NCOR2: variants seen among roughly 807,000 people sequenced by gnomAD.
NCOR2 encodes nuclear receptor corepressor 2.
A neutral mutation model predicts 262.9 loss-of-function variants in NCOR2; 81 were observed. The ratio of observed to expected loss-of-function variants is 0.31; its 90% CI spans 0.26 to 0.37. NCOR2 has a LOEUF of 0.37. Ranked by LOEUF, NCOR2 falls within the 10% of genes least tolerant of loss-of-function variation. NCOR2 has a pLI of 1.00. For missense variants in NCOR2, 3,385 were observed against 3,621.4 expected (o/e 0.93, Z 1.68); for synonymous variants, 1,659 against 1,559.3 (o/e 1.06, Z -1.51).
intron 20 of NCOR2, 23 bp from the exon 23 acceptor site, chr12:124,363,822 A>G (rs752578954): frequency 3.0e-6 from 4 of 1,326,452 alleles, no homozygotes; most frequent in Middle Eastern, 2.1e-4. Context: ...GAGCACCATC[A>G]GCTGGGGGCC....
At chr12:124,540,233 A>C (rs2051249585), upstream of NCOR2, among the ~76,000 whole-genome samples, 1 of 137,528 alleles carries the variant, frequency 7.3e-6, no homozygotes, top group African/African-American at 2.6e-5. Context: ...GAGGGCAGGG[A>C]GGGCAGGGAG....
intron 20 of NCOR2, among the ~76,000 whole-genome samples, chr12:124,364,103 C>T (rs1293375277): frequency 1.3e-5 from 2 of 152,208 alleles, no homozygotes; most frequent in Non-Finnish European, 2.9e-5. Flanking sequence ...AGCCTAGAGG[C>T]CAGCCGGGCA....
chr12:124,531,883 C>T lies in NCOR2; in HGVS notation c.-118+3682G>A, dbSNP rs926045150. Among the ~76,000 whole-genome samples the T allele has an allele frequency of 2.6e-5, 4 of 151,788 alleles. No individual in the cohort carries two copies. Among genetic ancestry groups the T allele is most frequent in the African/African-American group, 9.7e-5 (4 of 41,310 alleles). Reference sequence around the variant, plus strand: ...TATAGACAATCCCAGACACCCACCTCCCCACCCCACTCCCAGCTGAAGAAT... The same window carrying T: ...TATAGACAATCCCAGACACCCACCTTCCCACCCCACTCCCAGCTGAAGAAT... On this transcript the variant is annotated intron_variant, in intron 1 of 46. Transcript: ENST00000404621. This position sits in a 1 kb window ranked among gnomAD's most constrained non-coding sequence, Gnocchi z 4.5.
At chr12:124,545,846 C>A (rs1417109458) in intron 1 of NCOR2, among the ~76,000 whole-genome samples, 9 of 152,160 alleles carry the variant, frequency 5.9e-5, no homozygotes, top group African/African-American at 2.2e-4. Context: ...AGCCTGGGGA[C>A]CCTCTCTGGG....
At chr12:124,335,195 G>A (rs2035776154) in exon 40 of NCOR2, 1 of 1,611,378 alleles carries the variant, frequency 6.2e-7, no homozygotes, top group East Asian at 2.2e-5. Context: ...GGGCGGTCTG[G>A]AGCAGCGGGC....
At chr12:124,493,006 C>G (rs533241237) in intron 1 of NCOR2, among the ~76,000 whole-genome samples, 10 of 152,346 alleles carry the variant, frequency 6.6e-5, no homozygotes, top group South Asian at 2.1e-4. Flanking sequence ...CAGACATGTT[C>G]TCACCTGTGG....
chr12:124,428,515 A>G (rs1050824066), intron 10 of NCOR2, among the ~76,000 whole-genome samples: 1 of 152,116 alleles, frequency 6.6e-6, no homozygotes, highest in African/African-American at 2.4e-5. Context: ...AGAAACTGCT[A>G]CTTAAACCAG....
chr12:124,353,641 C>T (rs1411804666), intron 27 of NCOR2, among the ~76,000 whole-genome samples: 2 of 152,202 alleles, frequency 1.3e-5, no homozygotes, highest in Non-Finnish European at 2.9e-5. Context: ...ATTCAGGAAC[C>T]CTCTCATGCT....
At chr12:124,495,715 G>A (rs978964028), upstream of NCOR2, among the ~76,000 whole-genome samples, 6 of 152,092 alleles carry the variant, frequency 3.9e-5, no homozygotes, top group South Asian at 2.1e-4. This position sits in a 1 kb window ranked among gnomAD's most constrained non-coding sequence, Gnocchi z 4.4. Flanking sequence ...CATGGCCCCC[G>A]GGTTTCTAAG....
chr12:124,337,037 C>T (rs546270358), exon 38 of NCOR2: 34 of 1,498,328 alleles, frequency 2.3e-5, no homozygotes, highest in Non-Finnish European at 2.7e-5. Context: ...CCGCTCTGGC[C>T]GGGCGACCCG....
intron 13 of NCOR2, among the ~76,000 whole-genome samples, chr12:124,416,036 A>G (rs1412688644): frequency 6.6e-6 from 1 of 152,072 alleles, no homozygotes; most frequent in African/African-American, 2.4e-5. Flanking sequence ...ATAAAACTGG[A>G]TTTCCAGCTC....
intron 1 of NCOR2, among the ~76,000 whole-genome samples, chr12:124,543,469 C>G (rs377683327): frequency 1.3e-5 from 2 of 152,248 alleles, no homozygotes; most frequent in African/African-American, 4.8e-5. Flanking sequence ...CCAGGTCACA[C>G]AGCCAGTGAG....
chr12:124,382,311 C>T (rs958728718), intron 17 of NCOR2, among the ~76,000 whole-genome samples: 1 of 152,210 alleles, frequency 6.6e-6, no homozygotes, highest in Non-Finnish European at 1.5e-5. Context: ...AGCCCCACTT[C>T]CTGTAGTGGG....
At chr12:124,478,574 CGCTCTCCCAGGCATCTTCCCTTGCT>C (rs1808125215) in intron 3 of NCOR2, among the ~76,000 whole-genome samples, 5 of 152,134 alleles carry the variant, frequency 3.3e-5, no homozygotes, top group Admixed American at 2.0e-4. Flanking sequence ...CCTCTCAACT[CGCTCTCCCAGGCATCTTCCCTTGCT>C]CAGACTTTCC....
exon 40 of NCOR2, chr12:124,335,215 G>A (rs746341430): frequency 3.7e-6 from 6 of 1,610,662 alleles, no homozygotes; most frequent in East Asian, 2.2e-5. Flanking sequence ...CTGGACGAGG[G>A]CTGGCTCTCA....
chr12:124,456,864 G>A, intron 6 of NCOR2, among the ~76,000 whole-genome samples: 1 of 152,208 alleles, frequency 6.6e-6, no homozygotes, highest in East Asian at 1.9e-4. Context: ...GAGTGCGCAG[G>A]TGGCCCCGGA....
chr12:124,352,986 T>G (rs918243383), intron 27 of NCOR2, among the ~76,000 whole-genome samples: 1 of 152,242 alleles, frequency 6.6e-6, no homozygotes, highest in Non-Finnish European at 1.5e-5. Context: ...TAAACGGCTC[T>G]GTGCGTGCAG....
intron 41 of NCOR2, among the ~76,000 whole-genome samples, chr12:124,333,932 G>A (rs1007930453): frequency 2.3e-4 from 35 of 151,668 alleles, no homozygotes; most frequent in African/African-American, 1.2e-4. Flanking sequence ...GTGTGTGCGC[G>A]CGCATGTGTG....
At chr12:124,346,455 C>T (rs2036940593) in intron 31 of NCOR2, 109 bp downstream of exon 33, 4 of 1,224,626 alleles carry the variant, frequency 3.3e-6, no homozygotes, top group Non-Finnish European at 3.2e-6. Context: ...GTAAGGTACG[C>T]GAGGGCTCTC....
Sources: gnomAD v4.1 joint callset for allele counts (sites outside exome capture counted in the v4.1 genomes callset) on GRCh38, gnomAD v4.1.1 for gene constraint, Gnocchi (gnomAD v3.1) non-coding constraint, MANE v1.5 for transcripts, NCBI Gene and HGNC (gene_info 2026-07-23, HGNC 2026-07-21) for gene names.